SLC25A21: variants seen among roughly 807,000 people sequenced by gnomAD.
The protein encoded by SLC25A21 is mitochondrial 2-oxodicarboxylate carrier.
A neutral mutation model predicts 43.8 loss-of-function variants in SLC25A21; 47 were observed. The ratio of observed to expected loss-of-function variants is 1.07; its 90% CI spans 0.85 to 1.37. SLC25A21 has a LOEUF of 1.37. Among genes scored for constraint, SLC25A21 ranks in the 40% most tolerant of loss-of-function variants. The probability of loss-of-function intolerance (pLI) is 0.00; values close to 1 mark genes in which losing one functional copy is unlikely to be tolerated. For missense variants in SLC25A21, 352 were observed against 350.2 expected (o/e 1.00, Z -0.04); for synonymous variants, 131 against 121.3 (o/e 1.08, Z -0.52).
At chr14:37,136,460 T>C (rs1963481051) in intron 1 of SLC25A21, among the ~76,000 whole-genome samples, 1 of 152,170 alleles carries the variant, frequency 6.6e-6, no homozygotes, top group South Asian at 2.1e-4. Flanking sequence ...ACATGGATAT[T>C]CCTACATGCC....
At chr14:36,935,221 C>A (rs1892391396) in intron 1 of SLC25A21, among the ~76,000 whole-genome samples, 1 of 152,080 alleles carries the variant, frequency 6.6e-6, no homozygotes, top group East Asian at 1.9e-4. Flanking sequence ...CCTTAATGTT[C>A]CCCAGGAATC....
At chr14:36,694,482 C>A (rs543996620) in intron 7 of SLC25A21, among the ~76,000 whole-genome samples, 11 of 152,166 alleles carry the variant, frequency 7.2e-5, no homozygotes, top group Non-Finnish European at 1.2e-4. Context: ...CTTGAGGAAT[C>A]GCCACTGTCT....
At chr14:36,992,111 T>C (rs1286372011) in intron 1 of SLC25A21, among the ~76,000 whole-genome samples, 1 of 152,242 alleles carries the variant, frequency 6.6e-6, no homozygotes, top group African/African-American at 2.4e-5. Flanking sequence ...CTTTGCAACT[T>C]GCTGCAGGCC....
chr14:37,128,028 A>G (rs1963327465), intron 1 of SLC25A21, among the ~76,000 whole-genome samples: 1 of 152,206 alleles, frequency 6.6e-6, no homozygotes, highest in Admixed American at 6.5e-5. Flanking sequence ...TTATGTTACA[A>G]TCTGTGTTTA....
At chr14:36,914,789 G>C (rs1426212386) in intron 1 of SLC25A21, among the ~76,000 whole-genome samples, 3 of 152,096 alleles carry the variant, frequency 2.0e-5, no homozygotes, top group Non-Finnish European at 4.4e-5. Context: ...TTTAATCATA[G>C]CTAGTGGTTT....
chr14:37,052,419 T>C (rs1269469000), intron 1 of SLC25A21, among the ~76,000 whole-genome samples: 3 of 152,214 alleles, frequency 2.0e-5, no homozygotes, highest in Admixed American at 6.5e-5. Flanking sequence ...GGAAGGGGCA[T>C]AGAAATTGAT....
At chr14:36,991,147 C>T (rs1052531751) in intron 1 of SLC25A21, among the ~76,000 whole-genome samples, 1 of 152,132 alleles carries the variant, frequency 6.6e-6, no homozygotes, top group Non-Finnish European at 1.5e-5. Flanking sequence ...AAAAGAACAT[C>T]ACACACCTGA....
At chr14:37,101,733 T>C (rs1962820599) in intron 1 of SLC25A21, among the ~76,000 whole-genome samples, 1 of 152,188 alleles carries the variant, frequency 6.6e-6, no homozygotes, top group Admixed American at 6.5e-5. Context: ...ATGATATGCA[T>C]TTAACACATT....
At chr14:36,819,753 T>A (rs10132054) in intron 2 of SLC25A21, among the ~76,000 whole-genome samples, 1,552 of 152,226 alleles carry the variant, frequency 0.01, 29 homozygotes, top group African/African-American at 0.036. Flanking sequence ...ACACTATATA[T>A]GCATATATAG....
chr14:37,075,876 T>G (rs1962269898), intron 1 of SLC25A21, among the ~76,000 whole-genome samples: 1 of 152,226 alleles, frequency 6.6e-6, no homozygotes, highest in South Asian at 2.1e-4. Context: ...AGAATTGGCT[T>G]ACGCCCTGAA....
At chr14:36,706,413 G>A (rs1883566661) in intron 7 of SLC25A21, among the ~76,000 whole-genome samples, 1 of 152,114 alleles carries the variant, frequency 6.6e-6, no homozygotes, top group South Asian at 2.1e-4. Context: ...CCACCAGTAA[G>A]GGACAAGACT....
At chr14:37,051,739 G>A (rs997636934) in intron 1 of SLC25A21, among the ~76,000 whole-genome samples, 2 of 152,186 alleles carry the variant, frequency 1.3e-5, no homozygotes, top group Non-Finnish European at 1.5e-5. Flanking sequence ...AAGGCCACCT[G>A]GTAGTTGCTG....
intron 3 of SLC25A21, among the ~76,000 whole-genome samples, chr14:36,796,206 C>G (rs1887663193): frequency 6.6e-6 from 1 of 152,102 alleles, no homozygotes; most frequent in African/African-American, 2.4e-5. Flanking sequence ...GCAATCTCTG[C>G]ATGTCAAAGC....
chr14:36,737,572 G>T (rs544661212), intron 3 of SLC25A21, among the ~76,000 whole-genome samples: 7 of 152,082 alleles, frequency 4.6e-5, no homozygotes, highest in Non-Finnish European at 1.0e-4. Flanking sequence ...CTACCTCCTC[G>T]CATTGCTTTT....
chr14:36,870,083 C>T (rs1257420143), intron 2 of SLC25A21, among the ~76,000 whole-genome samples: 1 of 152,146 alleles, frequency 6.6e-6, no homozygotes, highest in Admixed American at 6.5e-5. Context: ...CTACTTGGTT[C>T]AGCAGTGAAC....
chr14:36,792,461 GTC>G (rs1566618490), intron 3 of SLC25A21, among the ~76,000 whole-genome samples: 1 of 152,136 alleles, frequency 6.6e-6, no homozygotes, highest in African/African-American at 2.4e-5. Context: ...AAAACCCACA[GTC>G]AAGAGCTGTA....
intron 1 of SLC25A21, among the ~76,000 whole-genome samples, chr14:36,881,332 C>G (rs1890717856): frequency 7.8e-6 from 1 of 128,986 alleles, no homozygotes; most frequent in South Asian, 2.9e-4. Context: ...CAAGTAAAGA[C>G]CATTTAAAAT....
chr14:37,079,203 T>C (rs1445591623), intron 1 of SLC25A21, among the ~76,000 whole-genome samples: 1 of 152,226 alleles, frequency 6.6e-6, no homozygotes, highest in African/African-American at 2.4e-5. Context: ...CACATTTTTG[T>C]CGTCAGCCCA....
At chr14:36,931,921 G>C (rs564762151) in intron 1 of SLC25A21, among the ~76,000 whole-genome samples, 5 of 152,232 alleles carry the variant, frequency 3.3e-5, no homozygotes, top group Non-Finnish European at 5.9e-5. Context: ...CTTTGAGCTA[G>C]AGACATTTTG....
Sources: gnomAD v4.1 joint callset for allele counts (sites outside exome capture counted in the v4.1 genomes callset) on GRCh38, gnomAD v4.1.1 for gene constraint, MANE v1.5 for transcripts, NCBI Gene and HGNC (gene_info 2026-07-23, HGNC 2026-07-21) for gene names.